The following PCDHGC5 variants were observed in gnomAD, a reference collection of about 807,000 sequenced individuals.
The protein encoded by PCDHGC5 is protocadherin gamma subfamily C, 5.
PCDHGC5 carries 25 observed loss-of-function variants against 59.0 expected under a neutral mutation model. That is an observed-to-expected ratio of 0.42 (90% confidence interval 0.31 to 0.59). The LOEUF is 0.59. Ranked by LOEUF, PCDHGC5 falls within the 20% of genes least tolerant of loss-of-function variation. The pLI, the probability that PCDHGC5 is intolerant of heterozygous loss-of-function variation, is 0.13. For missense variants in PCDHGC5, 1,067 were observed against 1,206.4 expected (o/e 0.88, Z 1.71); for synonymous variants, 434 against 505.5 (o/e 0.86, Z 1.90).
rs1427052612 is a variant in PCDHGC5 at position 141,493,002 on chromosome 5, A to G, written c.2460+1302A>G. Among the ~76,000 whole-genome samples, 4 of 152,246 alleles carry G rather than the reference A, an allele frequency of 2.6e-5. No individual in the cohort carries two copies. The highest frequency in any genetic ancestry group is 2.1e-4 in the South Asian group (1 of 4,832). On this transcript the variant is annotated intron_variant, in intron 1 of 3. Transcript: ENST00000252087. This position sits in a 1 kb window ranked among gnomAD's most constrained non-coding sequence, Gnocchi z 4.3. ...TCTCCTCTGGCAGATGGAAAGCTAT[A>G]GGCTCTGCCAGATGCCAGGGTGCCC... is the stretch of plus-strand genomic sequence containing the variant.
At position 141,505,383 on chromosome 5, in the gene PCDHGC5, C is replaced by G. The variant is rs369765886; in HGVS notation, c.2520-10C>G. On this transcript the variant is annotated splice_polypyrimidine_tract_variant and intron_variant, in intron 2 of 3. Transcript: ENST00000252087. ...GGGAGTCTGTGCTCACCATCCTACT[C>G]TCTCCCCAGCTCCCAAAATGGCGAT... The G allele has an allele frequency of 6.2e-7, 1 of 1,613,944 alleles. No homozygotes were observed. The highest frequency in any genetic ancestry group is 1.3e-5 in the African/African-American group (1 of 74,914).
At chr5:141,500,568 T>C (rs1562196424) in intron 2 of PCDHGC5, among the ~76,000 whole-genome samples, 2 of 152,190 alleles carry the variant, frequency 1.3e-5, no homozygotes, top group Admixed American at 6.5e-5. Context: ...CTTGTCACAC[T>C]TTCATGTGAC....
chr5:141,501,299 AC>A (rs1446641380), intron 2 of PCDHGC5, among the ~76,000 whole-genome samples: 1 of 149,208 alleles, frequency 6.7e-6, no homozygotes, highest in African/African-American at 2.5e-5. Flanking sequence ...ATACACACAC[AC>A]ACACACACAC....
chr5:141,496,083 C>T (rs1267834920), intron 2 of PCDHGC5, among the ~76,000 whole-genome samples: 8 of 151,904 alleles, frequency 5.3e-5, no homozygotes, highest in Admixed American at 3.3e-4. Flanking sequence ...CAACCCCCCA[C>T]CCACCACCCA....
intron 2 of PCDHGC5, among the ~76,000 whole-genome samples, chr5:141,502,866 C>CTCTTTTTTT (rs1554188502): frequency 7.8e-6 from 1 of 128,046 alleles, no homozygotes; most frequent in African/African-American, 3.1e-5. Context: ...GACTCTCTGT[C>CTCTTTTTTT]TTTTTTTTTT....
chr5:141,500,277 C>T (rs1595660442), intron 2 of PCDHGC5, among the ~76,000 whole-genome samples: 1 of 151,718 alleles, frequency 6.6e-6, no homozygotes, highest in Non-Finnish European at 1.5e-5. Context: ...GGCGCAATCT[C>T]GGCTCACTGC....
In PCDHGC5 at chr5:141,490,935, G is replaced by A. The variant is rs1371144225; in HGVS notation, c.1695G>A (p.Leu565=). Residue 565 remains leucine, a synonymous_variant, in exon 1 of 4, where the codon CTG becomes CTA. Transcript: ENST00000252087. The surrounding 1 kb of genome is among the most constrained non-coding windows in gnomAD (Gnocchi z 5.4). ...LDENDNAPAV[L]HPRPDWEHSA... ...AGAATGATAATGCCCCAGCTGTGCTGCACCCACGGCCAGACTGGGAACACT... is the reference window on the plus strand; with the variant it reads ...AGAATGATAATGCCCCAGCTGTGCTACACCCACGGCCAGACTGGGAACACT... 1.9e-6 allele frequency: 3 copies of A among 1,613,638 alleles called. No homozygotes were observed. The highest frequency in any genetic ancestry group is 2.2e-5 in the South Asian group (2 of 91,032).
At position 141,511,112 on chromosome 5, in the gene PCDHGC5, G is replaced by A. The variant is rs767257788; in HGVS notation, c.2774G>A (p.Gly925Asp). The change falls in exon 4 of 4, where the codon GGC (glycine) becomes GAC (aspartate). Residue 925 changes from glycine (G) to aspartate (D), a missense_variant. Transcript: ENST00000252087. ...ACCAACGCAGCTGGCAAGCGGGATGGCAAGGCCCCAGCAGGTGGCAATGGC... is the reference window on the plus strand; with the variant it reads ...ACCAACGCAGCTGGCAAGCGGGATGACAAGGCCCCAGCAGGTGGCAATGGC... The part of the protein sequence containing the change: ...TLTNAAGKRD[G>D]KAPAGGNGNK... 1 of 1,614,232 alleles carries A rather than the reference G, an allele frequency of 6.2e-7. No individual in the cohort carries two copies.
At chr5:141,507,537 C>CA (rs140454890) in intron 3 of PCDHGC5, among the ~76,000 whole-genome samples, 3,617 of 152,286 alleles carry the variant, frequency 0.024, 53 homozygotes, top group East Asian at 0.043. Context: ...AGGCCAGAGA[C>CA]TGAGTATGAA....
Position 141,489,331 on chromosome 5 carries a change from C to G in PCDHGC5, c.91C>G (p.Leu31Val). Reference protein sequence around the residue: ...LCCWGWVSGQLRYSVVEESEP... With the variant: ...LCCWGWVSGQVRYSVVEESEP... ...CTGCTGGGGCTGGGTGTCTGGGCAG[C>G]TTCGTTACTCAGTGGTGGAGGAGTC... Residue 31 changes from leucine to valine, a missense_variant, in exon 1 of 4, where the codon CTT becomes GTT. Leu to Val is a conservative substitution (Grantham distance 32). Coordinates refer to ENST00000252087, the MANE Select transcript of PCDHGC5 (RefSeq NM_018929.3). The surrounding 1 kb of genome is among the most constrained non-coding windows in gnomAD (Gnocchi z 4.5). 1 of 1,605,478 alleles carries G rather than the reference C, an allele frequency of 6.2e-7. No homozygotes were observed. Among genetic ancestry groups the G allele is most frequent in the Non-Finnish European group, 8.5e-7 (1 of 1,174,878 alleles).
Position 141,491,733 on chromosome 5 carries a change from TG to T in PCDHGC5, c.2460+38del. 6.2e-7 allele frequency: 1 copy of T among 1,602,698 alleles called. No individual in the cohort carries two copies. Among genetic ancestry groups the T allele is most frequent in the Non-Finnish European group, 8.5e-7 (1 of 1,175,258 alleles). On this transcript the variant is annotated intron_variant, in intron 1 of 3. Coordinates refer to ENST00000252087, the MANE Select transcript of PCDHGC5 (RefSeq NM_018929.3). This position sits in a 1 kb window ranked among gnomAD's most constrained non-coding sequence, Gnocchi z 6.9. ...GCTCGGCGCCGCCCCGGGCGACCCC[TG>T]GGGGCGGCACTGGAGAAGCCGCCCG...
chr5:141,499,138 G>A (rs765607930), intron 2 of PCDHGC5, among the ~76,000 whole-genome samples: 12 of 152,144 alleles, frequency 7.9e-5, no homozygotes, highest in Non-Finnish European at 1.5e-4. Flanking sequence ...TCCTTTGGGT[G>A]TCTGATCCCA....
At chr5:141,501,290 TACACACACACACACAC>T (rs55762287) in intron 2 of PCDHGC5, among the ~76,000 whole-genome samples, 7 of 136,164 alleles carry the variant, frequency 5.1e-5, no homozygotes, top group South Asian at 2.4e-4. Context: ...TATTCCCTTA[TACACACACACACACAC>T]ACACACACAC....
chr5:141,511,265 A>G lies in PCDHGC5; in HGVS notation c.*92A>G. On this transcript the variant is annotated 3_prime_UTR_variant, in exon 4 of 4. Coordinates refer to ENST00000252087, the MANE Select transcript of PCDHGC5 (RefSeq NM_018929.3). ...ACCCAGGCCTCAGAGTTTCAGGGCT[A>G]ACCCCCAGAATACTGGTAGGGGCCA... The G allele has an allele frequency of 6.4e-7, 1 of 1,551,730 alleles. No individual in the cohort carries two copies. Among genetic ancestry groups the G allele is most frequent in the South Asian group, 1.2e-5 (1 of 83,132 alleles).
chr5:141,509,497 G>A (rs1167178592), intron 3 of PCDHGC5, among the ~76,000 whole-genome samples: 1 of 152,196 alleles, frequency 6.6e-6, no homozygotes, highest in Non-Finnish European at 1.5e-5. Flanking sequence ...TGGCATGCTG[G>A]ATGTGACGGT....
Position 141,489,623 on chromosome 5 carries a change from A to T in PCDHGC5, c.383A>T (p.Asp128Val), listed in dbSNP as rs924162827. The change falls in exon 1 of 4, where the codon GAC (aspartate) becomes GTC (valine). Residue 128 changes from aspartate to valine, a missense_variant. Coordinates refer to ENST00000252087, the MANE Select transcript of PCDHGC5 (RefSeq NM_018929.3). This position sits in a 1 kb window ranked among gnomAD's most constrained non-coding sequence, Gnocchi z 4.5. ...GAGGTAGAGATCCTGGATCTCAATG[A>T]CAACTCTCCTAGCTTTGCCACCCCT... is the stretch of plus-strand genomic sequence containing the variant. ...RVEVEILDLNDNSPSFATPER... is the reference protein window; with the variant it reads ...RVEVEILDLNVNSPSFATPER... The T allele has an allele frequency of 6.2e-7, 1 of 1,614,102 alleles. No homozygotes were observed. Among genetic ancestry groups the T allele is most frequent in the Non-Finnish European group, 8.5e-7 (1 of 1,179,996 alleles).
chr5:141,492,934 G>A (rs1382515835), intron 1 of PCDHGC5, among the ~76,000 whole-genome samples: 7 of 152,236 alleles, frequency 4.6e-5, no homozygotes, highest in Admixed American at 4.6e-4. Flanking sequence ...TAGGGTCAGA[G>A]ATTTGGAGGT....
Position 141,491,930 on chromosome 5 carries a change from G to A in PCDHGC5, c.2460+230G>A, listed in dbSNP as rs2099735399. On this transcript the variant is annotated intron_variant, in intron 1 of 3. Transcript: ENST00000252087. The surrounding 1 kb of genome is among the most constrained non-coding windows in gnomAD (Gnocchi z 6.9). ...GTGGCGACTGTGGGCGAGGGGAGGT[G>A]GGACCGACCCCCACCCCTACACTCA... 1.6e-6 allele frequency: 2 copies of A among 1,276,580 alleles called. No homozygotes were observed. The highest frequency in any genetic ancestry group is 2.1e-6 in the Non-Finnish European group (2 of 943,112). 79.1% of individuals were successfully genotyped at this position (1,276,580 alleles called of 1,614,324 possible).
rs1225473275 is a variant in PCDHGC5 at position 141,512,442 on chromosome 5, TC to T, written c.*1271del. ...GGCCCCTGCCCTCCTGAAGCCTCAG[TC>T]CTTCACCTTGCCAGGTGCCGTTTCT... is the stretch of plus-strand genomic sequence containing the variant. On this transcript the variant is annotated 3_prime_UTR_variant, in exon 4 of 4. Transcript: ENST00000252087. 1 of 152,892 alleles carries T rather than the reference TC, an allele frequency of 6.5e-6. No individual in the cohort carries two copies. Among genetic ancestry groups the T allele is most frequent in the African/African-American group, 2.4e-5 (1 of 41,466 alleles). 9.5% of individuals were successfully genotyped at this position (152,892 alleles called of 1,614,324 possible).
Sources: allele counts gnomAD v4.1 joint callset (sites outside exome capture counted in the v4.1 genomes callset), GRCh38; gene constraint gnomAD v4.1.1; non-coding constraint Gnocchi (gnomAD v3.1); transcripts MANE v1.5; gene names NCBI Gene and HGNC (gene_info 2026-07-23, HGNC 2026-07-21).